Variants in MALRD1 observed in about 807,000 individuals in gnomAD.
MALRD1 encodes the protein MAM and LDL receptor class A domain containing 1.
A neutral mutation model predicts 242.1 loss-of-function variants in MALRD1; 247 were observed. The observed-to-expected ratio is 1.02, with a 90% CI of 0.92 to 1.13. The LOEUF (loss-of-function observed/expected upper bound fraction) is 1.13, where lower values mean the gene tolerates loss of function less well. Ranked by LOEUF, MALRD1 falls within the 50% of genes most tolerant of loss-of-function variation. MALRD1 has a pLI of 0.00. For synonymous variants in MALRD1, 995 were observed against 866.6 expected, an observed-to-expected ratio of 1.15 and a Z score of -2.60; for missense variants, 2,989 against 2,533.1, an observed-to-expected ratio of 1.18 and a Z score of -3.86.
chr10:19,401,838 C>A (rs112738654), intron 28 of MALRD1, among the ~76,000 whole-genome samples: 1 of 9,908 alleles, frequency 1.0e-4, no homozygotes, highest in African/African-American at 1.9e-4. Context: ...GTTATTTAAT[C>A]AAAACAATCT....
chr10:19,389,626 T>C lies in MALRD1; in HGVS notation c.4845+17T>C. The C allele has an allele frequency of 6.5e-7, 1 of 1,545,648 alleles. No homozygotes were observed. ...CTCATCAAGGTAGGAACATGGCCTGTGATGCCTCTGAGCTTGTTTTGTTCT... is the reference window on the plus strand; with the variant it reads ...CTCATCAAGGTAGGAACATGGCCTGCGATGCCTCTGAGCTTGTTTTGTTCT... On this transcript the variant is annotated intron_variant, in intron 28 of 39. Transcript: ENST00000454679.
intron 33 of MALRD1, among the ~76,000 whole-genome samples, chr10:19,576,957 C>A (rs1836858547): frequency 7.2e-6 from 1 of 138,588 alleles, no homozygotes. Context: ...GAAAAATCCA[C>A]ATTGTCGTTT....
chr10:19,164,244 T>C (rs1022695986), intron 12 of MALRD1, among the ~76,000 whole-genome samples: 5 of 152,200 alleles, frequency 3.3e-5, no homozygotes, highest in African/African-American at 1.2e-4. Flanking sequence ...GTGTACCAAA[T>C]AGAATGCTTG....
At position 19,302,687 on chromosome 10, in the gene MALRD1, A is replaced by C. The variant is rs555480838; in HGVS notation, c.3419+19506A>C. Among the ~76,000 whole-genome samples, 52 of 151,746 alleles carry C rather than the reference A, an allele frequency of 3.4e-4. 1 individual carries two copies. Among genetic ancestry groups the C allele is most frequent in the Non-Finnish European group, 7.2e-4 (49 of 67,834 alleles). ...ATGTCCTGGAATTTAATAGAGATTG[A>C]CAACTCTGAATATACTAAAATTCTC... On this transcript the variant is annotated intron_variant, in intron 21 of 39. Coordinates refer to ENST00000454679, the MANE Select transcript of MALRD1 (RefSeq NM_001142308.3).
intron 29 of MALRD1, among the ~76,000 whole-genome samples, chr10:19,481,015 G>A (rs1247920684): frequency 3.9e-5 from 6 of 152,230 alleles, no homozygotes; most frequent in African/African-American, 1.2e-4. Context: ...TGTCAGAAAA[G>A]AGAGCTTGGT....
chr10:19,605,152 T>C (rs1211561581), intron 34 of MALRD1, among the ~76,000 whole-genome samples: 1 of 124,168 alleles, frequency 8.1e-6, no homozygotes, highest in Non-Finnish European at 1.7e-5. Context: ...TTTATTTATT[T>C]TTTTATTATT....
intron 14 of MALRD1, among the ~76,000 whole-genome samples, chr10:19,189,821 A>G (rs893005535): frequency 3.2e-4 from 48 of 152,264 alleles, no homozygotes; most frequent in African/African-American, 1.1e-3. Context: ...CCTCAACATA[A>G]TAAAAGCCAT....
chr10:19,345,807 GC>G (rs1386979363), intron 24 of MALRD1, among the ~76,000 whole-genome samples: 1 of 150,810 alleles, frequency 6.6e-6, no homozygotes, highest in African/African-American at 2.4e-5. Flanking sequence ...ATTATTTTAA[GC>G]CCTTTTTCTT....
chr10:19,490,570 G>A (rs185071294), intron 29 of MALRD1, among the ~76,000 whole-genome samples: 111 of 149,862 alleles, frequency 7.4e-4, no homozygotes, highest in African/African-American at 2.7e-3. Context: ...AGGCTGAGGT[G>A]GGTGGGGGAA....
intron 21 of MALRD1, among the ~76,000 whole-genome samples, chr10:19,313,493 T>A (rs1210012958): frequency 6.6e-6 from 1 of 151,344 alleles, no homozygotes; most frequent in Non-Finnish European, 1.5e-5. Flanking sequence ...ATAGCTAGAA[T>A]AGAATAATTT....
chr10:19,224,139 G>A (rs547610333), intron 18 of MALRD1, among the ~76,000 whole-genome samples: 2 of 152,246 alleles, frequency 1.3e-5, no homozygotes, highest in East Asian at 3.9e-4. Context: ...CTTCCACAAT[G>A]GTTGAACTAT....
chr10:19,179,244 A>G (rs1835390081), intron 14 of MALRD1, among the ~76,000 whole-genome samples: 2 of 152,182 alleles, frequency 1.3e-5, no homozygotes, highest in South Asian at 2.1e-4. Context: ...AAAATTACTA[A>G]TCAACAGGCA....
At chr10:19,322,582 T>G (rs1445327412) in intron 21 of MALRD1, among the ~76,000 whole-genome samples, 1 of 152,166 alleles carries the variant, frequency 6.6e-6, no homozygotes, top group African/African-American at 2.4e-5. Flanking sequence ...AGAAGTTAAA[T>G]AATCTGCCTT....
intron 28 of MALRD1, among the ~76,000 whole-genome samples, chr10:19,445,578 C>G (rs754598548): frequency 1.3e-5 from 2 of 152,142 alleles, no homozygotes; most frequent in East Asian, 3.9e-4. Flanking sequence ...TACTCCAGAC[C>G]CTGTTTACCT....
chr10:19,444,600 G>A (rs1279850536), intron 28 of MALRD1, among the ~76,000 whole-genome samples: 2 of 152,090 alleles, frequency 1.3e-5, no homozygotes, highest in African/African-American at 4.8e-5. Flanking sequence ...ATTCTGGGTT[G>A]AAAATTATTT....
At chr10:19,136,131 T>C (rs1393631288) in intron 9 of MALRD1, among the ~76,000 whole-genome samples, 4 of 152,196 alleles carry the variant, frequency 2.6e-5, no homozygotes, top group Admixed American at 6.5e-5. Flanking sequence ...AGTTAAAAAA[T>C]AAGTCAGATG....
At chr10:19,337,141 CAT>C (rs1339408793) in intron 24 of MALRD1, among the ~76,000 whole-genome samples, 5 of 151,708 alleles carry the variant, frequency 3.3e-5, no homozygotes, top group African/African-American at 9.7e-5. Flanking sequence ...CTTTCATATA[CAT>C]ATGTGTGTAT....
intron 28 of MALRD1, among the ~76,000 whole-genome samples, chr10:19,436,185 G>A (rs2496083): frequency 0.72 from 108,743 of 152,038 alleles, 39,031 homozygotes; most frequent in Non-Finnish European, 0.75. Flanking sequence ...TGGTGCTTTT[G>A]TTGGAGAATA....
intron 29 of MALRD1, among the ~76,000 whole-genome samples, chr10:19,460,723 G>C (rs115652945): frequency 6.6e-6 from 1 of 152,142 alleles, no homozygotes; most frequent in East Asian, 1.9e-4. Context: ...AAGGACCCTT[G>C]AGGTAAACAT....
Sources: gnomAD v4.1 joint callset for allele counts (sites outside exome capture counted in the v4.1 genomes callset) on GRCh38, gnomAD v4.1.1 for gene constraint, MANE v1.5 for transcripts, NCBI Gene and HGNC (gene_info 2026-07-23, HGNC 2026-07-21) for gene names.